The following APOL5 variants were observed in gnomAD, a reference collection of about 807,000 sequenced individuals.
APOL5 encodes apolipoprotein L5.
APOL5 carries 29 observed loss-of-function variants against 35.5 expected under a neutral mutation model. The observed-to-expected ratio is 0.82, with a 90% confidence interval of 0.61 to 1.11. The LOEUF is 1.11. Among genes scored for constraint, APOL5 ranks in the 50% most tolerant of loss-of-function variants. The probability of loss-of-function intolerance (pLI) is 0.00; values close to 1 mark genes in which losing one functional copy is unlikely to be tolerated. For missense variants in APOL5, 514 were observed against 530.4 expected (o/e 0.97, Z 0.30); for synonymous variants, 188 against 200.2 (o/e 0.94, Z 0.51).
intron 2 of APOL5, among the ~76,000 whole-genome samples, chr22:35,721,848 C>A (rs1209080704): frequency 6.6e-6 from 1 of 152,094 alleles, no homozygotes; most frequent in Non-Finnish European, 1.5e-5. Flanking sequence ...ACAGAGGTTG[C>A]ACTTAACTCT....
At position 35,726,419 on chromosome 22, in the gene APOL5, C is replaced by T. The variant is rs1321104567; in HGVS notation, c.351C>T (p.Ile117=). 6.2e-7 allele frequency: 1 copy of T among 1,614,134 alleles called. No homozygotes were observed. The highest frequency in any genetic ancestry group is 8.5e-7 in the Non-Finnish European group (1 of 1,180,034). Residue 117 remains isoleucine, a synonymous_variant, in exon 3 of 5, where the codon ATC becomes ATT. Transcript: ENST00000249044. ...ACAAGTTTGAGCTAGAACAGAACAT[C>T]AAAGAACTTAACACCCTTGCGGACC... is the stretch of plus-strand genomic sequence containing the variant. The part of the protein sequence containing the change: ...PLHKFELEQN[I]KELNTLADQV...
chr22:35,727,248 A>T (rs1601900468), intron 3 of APOL5, 54 bp downstream of exon 3: 2 of 1,548,602 alleles, frequency 1.3e-6, no homozygotes, highest in Non-Finnish European at 1.7e-6. Flanking sequence ...AAAGCTTACC[A>T]TGAGGGTGGG....
chr22:35,717,294 C>G (rs537070464), upstream of APOL5, among the ~76,000 whole-genome samples: 11 of 143,272 alleles, frequency 7.7e-5, 1 homozygote, highest in South Asian at 2.6e-3. Flanking sequence ...GTCCCCGCCA[C>G]TTGGGGGGCT....
intron 1 of APOL5, among the ~76,000 whole-genome samples, chr22:35,720,114 G>A (rs569591449): frequency 1.4e-4 from 22 of 152,346 alleles, no homozygotes; most frequent in East Asian, 1.4e-3. Flanking sequence ...GGGATATGGC[G>A]GGCCAGAGTG....
the APOL5 span, among the ~76,000 whole-genome samples, chr22:35,711,374 G>T: frequency 3.3e-5 from 5 of 152,062 alleles, no homozygotes; most frequent in African/African-American, 1.2e-4. Flanking sequence ...TTGAGACCCT[G>T]CTTTCAATTC....
upstream of APOL5, among the ~76,000 whole-genome samples, chr22:35,715,453 C>G (rs929291724): frequency 1.3e-4 from 20 of 152,182 alleles, no homozygotes; most frequent in African/African-American, 4.3e-4. Context: ...GGTTGACAGC[C>G]TGGTCAACAT....
At chr22:35,717,164 T>C (rs1237714068), upstream of APOL5, among the ~76,000 whole-genome samples, 1 of 146,016 alleles carries the variant, frequency 6.8e-6, no homozygotes, top group Non-Finnish European at 1.5e-5. Context: ...GGAGGGTGGA[T>C]TGTTTGAGCT....
At chr22:35,715,289 C>G (rs1459384755), upstream of APOL5, among the ~76,000 whole-genome samples, 1 of 152,180 alleles carries the variant, frequency 6.6e-6, no homozygotes, top group Admixed American at 6.5e-5. Flanking sequence ...ATAGAGTCAT[C>G]TCCCAAGATC....
the APOL5 span, among the ~76,000 whole-genome samples, chr22:35,708,835 A>G: frequency 6.6e-6 from 1 of 152,166 alleles, no homozygotes; most frequent in South Asian, 2.1e-4. Context: ...AATTCCAGTT[A>G]CTGTCATGTT....
chr22:35,711,289 T>C, the APOL5 span, among the ~76,000 whole-genome samples: 11 of 152,344 alleles, frequency 7.2e-5, no homozygotes, highest in African/African-American at 1.9e-4. Context: ...CATCCATCAA[T>C]GGACAGTTGG....
At chr22:35,721,698 C>T (rs1167629038) in intron 2 of APOL5, among the ~76,000 whole-genome samples, 1 of 152,300 alleles carries the variant, frequency 6.6e-6, no homozygotes, top group Admixed American at 6.5e-5. Context: ...TTCACCCTTT[C>T]CCAACCCATG....
chr22:35,719,399 G>T (rs1433821116), intron 1 of APOL5, among the ~76,000 whole-genome samples: 1 of 152,196 alleles, frequency 6.6e-6, no homozygotes, highest in Non-Finnish European at 1.5e-5. Context: ...CTTGTCATCA[G>T]GCAGGTGTCA....
At chr22:35,728,628 A>G in intron 3 of APOL5, 95 bp from the exon 4 acceptor site, 2 of 1,417,798 alleles carry the variant, frequency 1.4e-6, no homozygotes, top group Non-Finnish European at 1.9e-6. Context: ...AAGCCAATAG[A>G]AATTTGCTCT....
At chr22:35,711,735 G>T in the APOL5 span, among the ~76,000 whole-genome samples, 1 of 149,924 alleles carries the variant, frequency 6.7e-6, no homozygotes, top group African/African-American at 2.5e-5. Context: ...GAGTGCAGTG[G>T]CATGATCTCA....
At chr22:35,708,618 G>T in the APOL5 span, among the ~76,000 whole-genome samples, 1 of 152,162 alleles carries the variant, frequency 6.6e-6, no homozygotes, top group Admixed American at 6.5e-5. Context: ...GATTAAAAAG[G>T]GGGGAAGGGG....
the APOL5 span, among the ~76,000 whole-genome samples, chr22:35,711,393 A>G: frequency 6.6e-6 from 1 of 152,124 alleles, no homozygotes; most frequent in African/African-American, 2.4e-5. Context: ...TCTCTTGGGT[A>G]TATATATACC....
chr22:35,724,420 T>A (rs1054813653), intron 2 of APOL5, among the ~76,000 whole-genome samples: 3 of 150,926 alleles, frequency 2.0e-5, no homozygotes, highest in Non-Finnish European at 4.4e-5. Context: ...GATCAAAGCA[T>A]CTGCTCCATA....
At chr22:35,722,186 T>A (rs1205506734) in intron 2 of APOL5, among the ~76,000 whole-genome samples, 1 of 152,230 alleles carries the variant, frequency 6.6e-6, no homozygotes, top group South Asian at 2.1e-4. Flanking sequence ...GCATGCTGCA[T>A]GGACTGGAGT....
At position 35,719,455 on chromosome 22, in the gene APOL5, G is replaced by A. The variant is rs141856555; in HGVS notation, c.56-1113G>A. 4.6e-5 allele frequency among the ~76,000 whole-genome samples: 7 copies of A among 152,294 alleles called. No homozygotes were observed. In the East Asian group the frequency reaches 1.4e-3, roughly 29 times the overall value. ...GCCTCTCTCAGGGCTATAGATGATAGGCACTGGACAGAATGAGCGTTCACT... is the reference window on the plus strand; with the variant it reads ...GCCTCTCTCAGGGCTATAGATGATAAGCACTGGACAGAATGAGCGTTCACT... On this transcript the variant is annotated intron_variant, in intron 1 of 4. Coordinates refer to ENST00000249044, the MANE Select transcript of APOL5 (RefSeq NM_030642.1).
Sources: gnomAD v4.1 joint callset for allele counts (sites outside exome capture counted in the v4.1 genomes callset) on GRCh38, gnomAD v4.1.1 for gene constraint, MANE v1.5 for transcripts, NCBI Gene and HGNC (gene_info 2026-07-23, HGNC 2026-07-21) for gene names.